CDK17: variants seen among roughly 807,000 people sequenced by gnomAD.
CDK17 encodes the protein cyclin dependent kinase 17.
In CDK17, 24 loss-of-function variants were observed where a neutral mutation model predicts 77.6. The ratio of observed to expected loss-of-function variants is 0.31; its 90% confidence interval spans 0.22 to 0.44. The LOEUF (loss-of-function observed/expected upper bound fraction) is 0.44. Among genes scored for constraint, CDK17 ranks in the 20% least tolerant of loss-of-function variants. CDK17 has a pLI of 1.00. For synonymous variants in CDK17, 203 were observed against 210.4 expected (o/e 0.96, Z 0.30); for missense variants, 429 against 622.5 (o/e 0.69, Z 3.31).
At chr12:96,367,988 A>T (rs1365063184) in intron 1 of CDK17, among the ~76,000 whole-genome samples, 1 of 152,216 alleles carries the variant, frequency 6.6e-6, no homozygotes, top group East Asian at 1.9e-4. Context: ...CATATAACAC[A>T]GGTAAGAAAT....
At chr12:96,372,825 A>T (rs1292687797) in intron 1 of CDK17, among the ~76,000 whole-genome samples, 1 of 152,232 alleles carries the variant, frequency 6.6e-6, no homozygotes, top group African/African-American at 2.4e-5. Context: ...GATAGCCTTT[A>T]AAAAATGTTG....
chr12:96,388,888 G>A (rs1954017547), intron 1 of CDK17, among the ~76,000 whole-genome samples: 1 of 152,094 alleles, frequency 6.6e-6, no homozygotes, highest in Admixed American at 6.5e-5. Context: ...GCAGGAACAA[G>A]AGAGAACAGA....
At chr12:96,350,512 T>C (rs1426232229) in intron 1 of CDK17, among the ~76,000 whole-genome samples, 6 of 152,138 alleles carry the variant, frequency 3.9e-5, no homozygotes, top group Non-Finnish European at 8.8e-5. Context: ...AACATTATGG[T>C]ATTGACATAA....
chr12:96,313,289 C>T (rs773193358), intron 4 of CDK17, 32 bp downstream of exon 4: 10 of 1,537,370 alleles, frequency 6.5e-6, no homozygotes, highest in African/African-American at 4.2e-5. Context: ...CACACATATT[C>T]ACAAGTATAT....
intron 1 of CDK17, among the ~76,000 whole-genome samples, chr12:96,363,449 CAAAAA>C (rs34143645): frequency 2.9e-4 from 32 of 110,800 alleles, no homozygotes; most frequent in Non-Finnish European, 5.0e-4. Flanking sequence ...GACTTCGTCT[CAAAAA>C]AAAAAAAAAA....
chr12:96,286,095 T>C lies in CDK17; in HGVS notation c.1270A>G (p.Asn424Asp). 1.3e-6 allele frequency: 2 copies of C among 1,523,476 alleles called. 1 individual carries two copies. The highest frequency in any genetic ancestry group is 3.7e-4 in the Middle Eastern group (2 of 5,434). The allele number at this position is 1,523,476 out of a possible 1,614,324, so 94.4% of individuals were successfully genotyped here. Residue 424 changes from asparagine to aspartate, a missense_variant, in exon 13 of 17, where the codon AAC becomes GAC. Physicochemically the swap from Asn to Asp is conservative, Grantham distance 23 (BLOSUM62 1). This residue lies in a region of CDK17 where 115 missense variants were observed against 124.2 expected (regional missense o/e 0.93). Transcript: ENST00000261211. ...GGTTTATATTTTGGAAAGTTGTAGT[T>C]CTTGAACTCCTCATTTGAAGAAATA... ...PGISSNEEFK[N>D]YNFPKYKPQP...
intron 3 of CDK17, among the ~76,000 whole-genome samples, chr12:96,317,555 C>T (rs1226812154): frequency 1.5e-4 from 18 of 117,434 alleles, no homozygotes; most frequent in African/African-American, 4.4e-4. Flanking sequence ...AGAGAAAGGT[C>T]GGGTTACCCT....
At chr12:96,322,387 T>TA (rs1425739957) in intron 3 of CDK17, among the ~76,000 whole-genome samples, 1 of 151,758 alleles carries the variant, frequency 6.6e-6, no homozygotes, top group African/African-American at 2.4e-5. Flanking sequence ...GCCCATGAGC[T>TA]AAAAATGTTT....
chr12:96,344,504 G>A (rs1410375580), intron 1 of CDK17, among the ~76,000 whole-genome samples: 2 of 152,198 alleles, frequency 1.3e-5, no homozygotes, highest in African/African-American at 4.8e-5. Flanking sequence ...CAGCTGATGT[G>A]TCATCATAAA....
intron 10 of CDK17, 74 bp downstream of exon 10, chr12:96,294,925 T>C: frequency 7.8e-7 from 1 of 1,285,798 alleles, no homozygotes; most frequent in Admixed American, 2.4e-5. Flanking sequence ...TGGCACATTA[T>C]GACAGTGGTT....
chr12:96,282,847 G>C (rs1380649819), intron 14 of CDK17, among the ~76,000 whole-genome samples: 2 of 152,144 alleles, frequency 1.3e-5, no homozygotes, highest in Non-Finnish European at 2.9e-5. Context: ...AATTTACATT[G>C]CTTGTATTTT....
chr12:96,297,746 T>C (rs1952429255), intron 7 of CDK17, 25 bp from the exon 8 acceptor site: 5 of 1,254,472 alleles, frequency 4.0e-6, no homozygotes, highest in African/African-American at 3.0e-5. Context: ...AAGAAAATTG[T>C]TTAGTCTGTG....
chr12:96,364,958 C>T (rs528772365), intron 1 of CDK17, among the ~76,000 whole-genome samples: 1 of 152,192 alleles, frequency 6.6e-6, no homozygotes, highest in East Asian at 1.9e-4. Context: ...TACTTGGTTA[C>T]CAGGAAATTT....
chr12:96,348,523 C>CAAAAAAAAAAAAA (rs35363324), intron 1 of CDK17, among the ~76,000 whole-genome samples: 4 of 66,372 alleles, frequency 6.0e-5, no homozygotes, highest in East Asian at 6.0e-4. Flanking sequence ...GACTCTGTCT[C>CAAAAAAAAAAAAA]AAAAAAAAAA....
chr12:96,282,430 C>T (rs923027443), intron 15 of CDK17, 79 bp downstream of exon 15: 1 of 852,336 alleles, frequency 1.2e-6, no homozygotes, highest in African/African-American at 1.7e-5. Flanking sequence ...AAATCAATAG[C>T]CATCTCCCCA....
At position 96,347,700 on chromosome 12, in the gene CDK17, T is replaced by C. The variant is rs138398228; in HGVS notation, c.-29-12835A>G. Among the ~76,000 whole-genome samples, 266 of 151,000 alleles carry C rather than the reference T, an allele frequency of 1.8e-3. 1 individual carries two copies. The highest frequency in any genetic ancestry group is 3.1e-3 in the Non-Finnish European group (207 of 67,852). On this transcript the variant is annotated intron_variant, in intron 1 of 16. Coordinates refer to ENST00000261211, the MANE Select transcript of CDK17 (RefSeq NM_002595.5). ...GAACAGCACTATATACCTATTGTATTAGACCTATCAGATATACATAGTACA... is the reference window on the plus strand; with the variant it reads ...GAACAGCACTATATACCTATTGTATCAGACCTATCAGATATACATAGTACA...
intron 6 of CDK17, among the ~76,000 whole-genome samples, 162 bp from the exon 7 acceptor site, chr12:96,299,145 G>C (rs1027445212): frequency 6.6e-6 from 1 of 152,122 alleles, no homozygotes; most frequent in Non-Finnish European, 1.5e-5. Context: ...TTTTCTTACA[G>C]TAAACAGGAC....
chr12:96,386,506 A>C (rs1379910626), intron 1 of CDK17, among the ~76,000 whole-genome samples: 1 of 152,074 alleles, frequency 6.6e-6, no homozygotes, highest in Non-Finnish European at 1.5e-5. Context: ...AATCTTTAAA[A>C]AATTAGCCAA....
At chr12:96,332,708 C>T (rs926566525) in intron 2 of CDK17, among the ~76,000 whole-genome samples, 3 of 152,128 alleles carry the variant, frequency 2.0e-5, no homozygotes, top group Non-Finnish European at 2.9e-5. Context: ...TCTCTTATGA[C>T]GTCTTGAAGT....
Sources: allele counts gnomAD v4.1 joint callset (sites outside exome capture counted in the v4.1 genomes callset), GRCh38; gene constraint gnomAD v4.1.1; regional missense constraint gnomAD v4.1.1; transcripts MANE v1.5; gene names NCBI Gene and HGNC (gene_info 2026-07-23, HGNC 2026-07-21).